The following ROR2 variants were observed in gnomAD, a reference collection of about 807,000 sequenced individuals.
The protein encoded by ROR2 is tyrosine-protein kinase transmembrane receptor ROR2.
A neutral mutation model predicts 74.9 loss-of-function variants in ROR2; 33 were observed. The observed-to-expected ratio is 0.44, with a 90% CI of 0.33 to 0.59. The LOEUF (loss-of-function observed/expected upper bound fraction) is 0.59. Among genes scored for constraint, ROR2 ranks in the 20% least tolerant of loss-of-function variants. The pLI is 0.02. For missense variants in ROR2, 1,216 were observed against 1,313.8 expected (o/e 0.93, Z 1.15); for synonymous variants, 586 against 558.7 (o/e 1.05, Z -0.69).
At chr9:91,879,569 T>C (rs1040966288) in intron 1 of ROR2, among the ~76,000 whole-genome samples, 1 of 152,118 alleles carries the variant, frequency 6.6e-6, no homozygotes, top group Non-Finnish European at 1.5e-5. Context: ...TTTCTTTAAA[T>C]AATTCATAAA....
At chr9:91,832,512 T>C (rs933915495) in intron 1 of ROR2, among the ~76,000 whole-genome samples, 1 of 152,048 alleles carries the variant, frequency 6.6e-6, no homozygotes. Context: ...GTCATGTGAC[T>C]GACTTTAAGT....
intron 1 of ROR2, among the ~76,000 whole-genome samples, chr9:91,801,258 T>G (rs1827368240): frequency 6.6e-6 from 1 of 152,250 alleles, no homozygotes; most frequent in African/African-American, 2.4e-5. Context: ...CTCCAAATGT[T>G]GCTTTGAGTC....
intron 1 of ROR2, among the ~76,000 whole-genome samples, chr9:91,829,733 G>A (rs887338525): frequency 6.6e-6 from 1 of 152,046 alleles, no homozygotes; most frequent in Admixed American, 6.5e-5. Context: ...GCCTTCCTAC[G>A]GATATAACCA....
intron 7 of ROR2, 85 bp downstream of exon 7, chr9:91,730,823 ACC>A: frequency 6.3e-7 from 1 of 1,576,372 alleles, no homozygotes; most frequent in Non-Finnish European, 8.7e-7. Flanking sequence ...ACAGAGGCAC[ACC>A]CCAACCCAGG....
At position 91,765,867 on chromosome 9, in the gene ROR2, T is replaced by A. The variant is rs149167490; in HGVS notation, c.176-8308A>T. On this transcript the variant is annotated intron_variant, in intron 2 of 8. Transcript: ENST00000375708. ...TATTAGAGATGATATTTCATAGGCCTTATATCAGGGTGCAAAAAATGCACA... is the reference window on the plus strand; with the variant it reads ...TATTAGAGATGATATTTCATAGGCCATATATCAGGGTGCAAAAAATGCACA... Among the ~76,000 whole-genome samples, 71 of 152,318 alleles carry A rather than the reference T, an allele frequency of 4.7e-4. 1 individual carries two copies. The East Asian group carries it at 0.012, about 26-fold the overall frequency.
At chr9:91,934,139 G>A (rs938563142) in intron 1 of ROR2, among the ~76,000 whole-genome samples, 1 of 151,960 alleles carries the variant, frequency 6.6e-6, no homozygotes, top group African/African-American at 2.4e-5. Context: ...AGAAGTGGGA[G>A]GTGCTCTTCA....
chr9:91,755,651 C>G (rs1211258711), intron 4 of ROR2, among the ~76,000 whole-genome samples: 1 of 152,238 alleles, frequency 6.6e-6, no homozygotes, highest in Non-Finnish European at 1.5e-5. Context: ...GACTCCCACC[C>G]ACTGCCACGG....
At chr9:91,917,301 T>C (rs573097711) in intron 1 of ROR2, among the ~76,000 whole-genome samples, 1 of 152,056 alleles carries the variant, frequency 6.6e-6, no homozygotes, top group Non-Finnish European at 1.5e-5. Context: ...AAAATCAACA[T>C]AGGAAAAATA....
At chr9:91,726,241 A>C (rs1837025726) in intron 8 of ROR2, among the ~76,000 whole-genome samples, 1 of 152,226 alleles carries the variant, frequency 6.6e-6, no homozygotes. Context: ...TCTTCTGGGC[A>C]GAGCTGAGGC....
chr9:91,726,410 A>C, intron 8 of ROR2, 131 bp downstream of exon 8: 1 of 929,680 alleles, frequency 1.1e-6, no homozygotes, highest in East Asian at 2.5e-5. Context: ...AAAAATGGCA[A>C]AATGAAGCGG....
intron 1 of ROR2, among the ~76,000 whole-genome samples, chr9:91,941,743 G>A (rs1831875231): frequency 6.6e-6 from 1 of 151,938 alleles, no homozygotes; most frequent in Non-Finnish European, 1.5e-5. Context: ...GTATTGTACT[G>A]TCTCCCCACC....
intron 1 of ROR2, among the ~76,000 whole-genome samples, chr9:91,816,195 A>C (rs1827926432): frequency 6.6e-6 from 1 of 152,112 alleles, no homozygotes; most frequent in African/African-American, 2.4e-5. Flanking sequence ...AGCCACCAGC[A>C]ACCTTGCTCG....
At chr9:91,882,504 A>G (rs1830143482) in intron 1 of ROR2, among the ~76,000 whole-genome samples, 1 of 152,136 alleles carries the variant, frequency 6.6e-6, no homozygotes, top group Admixed American at 6.6e-5. Flanking sequence ...AGGCAGTGAA[A>G]ATGCTGAACG....
chr9:91,897,315 A>G (rs1196602573), intron 1 of ROR2, among the ~76,000 whole-genome samples: 2 of 152,262 alleles, frequency 1.3e-5, no homozygotes, highest in African/African-American at 2.4e-5. Flanking sequence ...AAATAATCCC[A>G]AAGGGGAAGC....
chr9:91,773,521 G>A (rs530977961), intron 2 of ROR2, among the ~76,000 whole-genome samples: 13 of 152,340 alleles, frequency 8.5e-5, no homozygotes, highest in South Asian at 8.3e-4. Flanking sequence ...ATACTGGAAC[G>A]TTTTAGATTT....
chr9:91,913,545 G>C (rs959754256), intron 1 of ROR2, among the ~76,000 whole-genome samples: 4 of 152,116 alleles, frequency 2.6e-5, no homozygotes, highest in African/African-American at 9.7e-5. Context: ...ACCAACAGCT[G>C]CCCCTGGATC....
At chr9:91,760,247 C>T (rs1451785971) in intron 2 of ROR2, among the ~76,000 whole-genome samples, 1 of 152,210 alleles carries the variant, frequency 6.6e-6, no homozygotes, top group Non-Finnish European at 1.5e-5. Context: ...TCTAACCTTG[C>T]CTTTCCCCTC....
At chr9:91,847,250 A>T (rs1828960591) in intron 1 of ROR2, among the ~76,000 whole-genome samples, 1 of 152,204 alleles carries the variant, frequency 6.6e-6, no homozygotes, top group South Asian at 2.1e-4. Flanking sequence ...GAAAGACGGG[A>T]GAAGTGCCTG....
At chr9:91,857,752 G>T (rs1040396219) in intron 1 of ROR2, among the ~76,000 whole-genome samples, 9 of 152,106 alleles carry the variant, frequency 5.9e-5, no homozygotes, top group Non-Finnish European at 1.2e-4. Flanking sequence ...AGCTCCCAGC[G>T]ATCAATCTCC....
Sources: gnomAD v4.1 joint callset for allele counts (sites outside exome capture counted in the v4.1 genomes callset) on GRCh38, gnomAD v4.1.1 for gene constraint, MANE v1.5 for transcripts, NCBI Gene and HGNC (gene_info 2026-07-23, HGNC 2026-07-21) for gene names.